Variants in PSTPIP1 observed in about 807,000 individuals in gnomAD.
PSTPIP1 encodes the protein proline-serine-threonine phosphatase interacting protein 1.
PSTPIP1 carries 66 observed loss-of-function variants against 69.6 expected under a neutral mutation model. The observed-to-expected ratio is 0.95, with a 90% CI of 0.78 to 1.16. The LOEUF (loss-of-function observed/expected upper bound fraction) is 1.16, where lower values mean the gene tolerates loss of function less well. Ranked by LOEUF, PSTPIP1 falls within the 50% of genes most tolerant of loss-of-function variation. PSTPIP1 has a pLI of 0.00. For missense variants in PSTPIP1, 603 were observed against 557.4 expected, an observed-to-expected ratio of 1.08 and a Z score of -0.82; for synonymous variants, 266 against 222.7, an observed-to-expected ratio of 1.19 and a Z score of -1.73.
At chr15:77,007,241 A>G (rs1443481896) in intron 1 of PSTPIP1, among the ~76,000 whole-genome samples, 2 of 152,202 alleles carry the variant, frequency 1.3e-5, no homozygotes, top group Non-Finnish European at 2.9e-5. Context: ...TGGGTCACCA[A>G]CTTCCTCAGT....
chr15:77,010,195 T>C (rs973442927), intron 1 of PSTPIP1, among the ~76,000 whole-genome samples: 1 of 152,190 alleles, frequency 6.6e-6, no homozygotes, highest in African/African-American at 2.4e-5. Flanking sequence ...AACTGCCAAA[T>C]CAGCTTGGCA....
At chr15:77,012,156 T>TCCATCCAC (rs2075953030) in intron 1 of PSTPIP1, among the ~76,000 whole-genome samples, 6 of 28,932 alleles carry the variant, frequency 2.1e-4, no homozygotes, top group Non-Finnish European at 3.0e-4. Flanking sequence ...CATCCATCCA[T>TCCATCCAC]CCACCCACCC....
Position 77,013,254 on chromosome 15 carries a change from C to T in PSTPIP1, c.37-4894C>T, listed in dbSNP as rs76301451. Among the ~76,000 whole-genome samples the T allele has an allele frequency of 3.7e-3, 562 of 152,268 alleles. 9 individuals are homozygous for T. In the East Asian group the frequency reaches 0.055, roughly 15 times the overall value. On this transcript the variant is annotated intron_variant, in intron 1 of 14. Coordinates refer to ENST00000558012, the MANE Select transcript of PSTPIP1 (RefSeq NM_003978.5). ...CAGGTGTAACCCAATCCAGTCCAAG[C>T]TAGTATCACAATTTCACTCTCATTC...
intron 1 of PSTPIP1, among the ~76,000 whole-genome samples, chr15:77,014,031 G>T (rs991401780): frequency 6.6e-6 from 1 of 152,136 alleles, no homozygotes; most frequent in Admixed American, 6.5e-5. Context: ...GAGGGCTCGG[G>T]GAGCTGCTGC....
At chr15:77,023,160 G>A (rs2076199124) in intron 3 of PSTPIP1, among the ~76,000 whole-genome samples, 1 of 152,364 alleles carries the variant, frequency 6.6e-6, no homozygotes, top group African/African-American at 2.4e-5. Flanking sequence ...TGGGTTTGGG[G>A]TTGAGAAAAT....
In PSTPIP1 at chr15:77,030,537, A is replaced by G; in HGVS notation, c.598A>G (p.Lys200Glu). Residue 200 changes from lysine to glutamate, a missense_variant, in exon 9 of 15, where the codon AAG (lysine) becomes GAG (glutamate). By Grantham distance (56) the Lys-to-Glu change is moderately conservative. Coordinates refer to ENST00000558012, the MANE Select transcript of PSTPIP1 (RefSeq NM_003978.5). ...CAGGCAGAGCATTGCGCAGCTGGAG[A>G]AGGTCCGGGCTGAGTGGGAGCAGGA... ...VYRQSIAQLE[K>E]VRAEWEQEHR... 1.9e-6 allele frequency: 3 copies of G among 1,612,488 alleles called. No individual in the cohort carries two copies. The highest frequency in any genetic ancestry group is 2.5e-6 in the Non-Finnish European group (3 of 1,179,420).
At chr15:77,000,175 G>T (rs1003829283) in intron 1 of PSTPIP1, among the ~76,000 whole-genome samples, 3 of 152,176 alleles carry the variant, frequency 2.0e-5, no homozygotes, top group African/African-American at 7.2e-5. Context: ...TGACAGCACC[G>T]CTGCCGAGTG....
At chr15:77,032,576 G>A (rs1290386769) in intron 11 of PSTPIP1, 182 bp downstream of exon 11, 1 of 665,658 alleles carries the variant, frequency 1.5e-6, no homozygotes, top group Admixed American at 2.8e-5. Context: ...CTCAGGCAAA[G>A]CTAAGGGCAT....
At chr15:77,026,336 G>A (rs959611210) in intron 5 of PSTPIP1, among the ~76,000 whole-genome samples, 2 of 152,206 alleles carry the variant, frequency 1.3e-5, no homozygotes, top group Non-Finnish European at 2.9e-5. Context: ...TGAGGGTGGT[G>A]CCCTGCACAG....
intron 5 of PSTPIP1, 113 bp downstream of exon 5, chr15:77,025,717 G>A: frequency 1.3e-6 from 1 of 754,090 alleles, no homozygotes; most frequent in Non-Finnish European, 2.1e-6. Context: ...GGCAGGGGTG[G>A]TGGTGGGACA....
Position 76,997,358 on chromosome 15 carries a change from C to T in PSTPIP1, c.36+1749C>T, listed in dbSNP as rs569360804. Among the ~76,000 whole-genome samples the T allele has an allele frequency of 2.8e-4, 43 of 152,172 alleles. No individual in the cohort carries two copies. The South Asian group carries it at 7.7e-3, about 27-fold the overall frequency. On this transcript the variant is annotated intron_variant, in intron 1 of 14. Coordinates refer to ENST00000558012, the MANE Select transcript of PSTPIP1 (RefSeq NM_003978.5). ...TCACACTGAGTCTGGGCCGATGCCCCGAAAGGTCACTGTAGGCATCACCTG... is the reference window on the plus strand; with the variant it reads ...TCACACTGAGTCTGGGCCGATGCCCTGAAAGGTCACTGTAGGCATCACCTG...
chr15:77,006,748 G>C (rs1190058100), intron 1 of PSTPIP1, among the ~76,000 whole-genome samples: 1 of 152,128 alleles, frequency 6.6e-6, no homozygotes, highest in Non-Finnish European at 1.5e-5. Flanking sequence ...AAAATCAATT[G>C]ACCATATATG....
At chr15:77,011,595 T>A (rs1283250677) in intron 1 of PSTPIP1, among the ~76,000 whole-genome samples, 1 of 152,226 alleles carries the variant, frequency 6.6e-6, no homozygotes. Context: ...AAGTCTGTCT[T>A]TGCCTTCTTG....
At chr15:77,011,910 C>T (rs1411264796) in intron 1 of PSTPIP1, among the ~76,000 whole-genome samples, 2 of 152,162 alleles carry the variant, frequency 1.3e-5, no homozygotes, top group African/African-American at 4.8e-5. Context: ...CTCCCTGTCT[C>T]TGCCCCCATG....
At chr15:77,000,595 G>A (rs1396776593) in intron 1 of PSTPIP1, among the ~76,000 whole-genome samples, 1 of 151,798 alleles carries the variant, frequency 6.6e-6, no homozygotes, top group Non-Finnish European at 1.5e-5. Flanking sequence ...AAAAGAAGAA[G>A]CACCTTTAGT....
rs778294308 is a variant in PSTPIP1 at position 76,998,867 on chromosome 15, C to T, written c.36+3258C>T. ...ACGCTGCTGTAGGAGTGAGGCAGGG[C>T]GGACCAGCCACAGAGGGAGGGAAGG... On this transcript the variant is annotated intron_variant, in intron 1 of 14. Coordinates refer to ENST00000558012, the MANE Select transcript of PSTPIP1 (RefSeq NM_003978.5). Among the ~76,000 whole-genome samples the T allele has an allele frequency of 1.1e-4, 17 of 152,186 alleles. No homozygotes were observed. In the Middle Eastern group the frequency reaches 0.01, roughly 91 times the overall value.
intron 1 of PSTPIP1, among the ~76,000 whole-genome samples, chr15:77,011,182 C>T (rs1462772131): frequency 6.6e-6 from 1 of 152,272 alleles, no homozygotes; most frequent in Non-Finnish European, 1.5e-5. Context: ...TTGTCTTCAC[C>T]TTCCTCATCT....
chr15:77,000,496 C>CACACAT (rs1346261252), intron 1 of PSTPIP1, among the ~76,000 whole-genome samples: 2 of 149,158 alleles, frequency 1.3e-5, no homozygotes, highest in African/African-American at 5.2e-5. Flanking sequence ...CACACACACA[C>CACACAT]ACACACATAC....
chr15:77,006,124 T>C (rs1675172004), intron 1 of PSTPIP1, among the ~76,000 whole-genome samples: 1 of 152,058 alleles, frequency 6.6e-6, no homozygotes, highest in African/African-American at 2.4e-5. Context: ...TTGCCAACTC[T>C]TGTTAATTTC....
Sources: gnomAD v4.1 joint callset for allele counts (sites outside exome capture counted in the v4.1 genomes callset) on GRCh38, gnomAD v4.1.1 for gene constraint, MANE v1.5 for transcripts, NCBI Gene and HGNC (gene_info 2026-07-23, HGNC 2026-07-21) for gene names.